The following PIGL variants were observed in gnomAD, a reference collection of about 807,000 sequenced individuals.
PIGL encodes the protein N-acetylglucosaminyl-phosphatidylinositol de-N-acetylase.
PIGL carries 22 observed loss-of-function variants against 31.1 expected under a neutral mutation model. That is an observed-to-expected ratio of 0.71 (90% CI 0.51 to 1.01). PIGL has a LOEUF of 1.01. PIGL is among the 50% of genes least tolerant of loss of function. The pLI is 0.00. For synonymous variants in PIGL, 131 were observed against 117.4 expected (o/e 1.12, Z -0.75); for missense variants, 302 against 315.9 (o/e 0.96, Z 0.33).
intron 2 of PIGL, among the ~76,000 whole-genome samples, chr17:16,261,441 A>C (rs1435601374): frequency 6.6e-6 from 1 of 152,222 alleles, no homozygotes; most frequent in African/African-American, 2.4e-5. Context: ...AAAATTAAAA[A>C]CTTTTATGCA....
At chr17:16,230,822 G>C (rs184922943) in intron 1 of PIGL, among the ~76,000 whole-genome samples, 1 of 151,592 alleles carries the variant, frequency 6.6e-6, no homozygotes. Context: ...ATAAAGTCAC[G>C]TTGTAAAGAC....
intron 2 of PIGL, among the ~76,000 whole-genome samples, chr17:16,254,767 G>A (rs1386434393): frequency 6.6e-6 from 1 of 151,884 alleles, no homozygotes; most frequent in Non-Finnish European, 1.5e-5. Context: ...ACCACGTCCG[G>A]CTAATTTTTT....
chr17:16,295,140 C>G (rs900942558), intron 2 of PIGL, among the ~76,000 whole-genome samples: 15 of 152,070 alleles, frequency 9.9e-5, no homozygotes, highest in African/African-American at 2.4e-4. Context: ...TAAATATATG[C>G]AGCCTGTAAT....
intron 2 of PIGL, 23 bp downstream of exon 2, chr17:16,234,093 A>G (rs999888016): frequency 1.2e-5 from 16 of 1,341,746 alleles, no homozygotes; most frequent in Non-Finnish European, 1.7e-5. Flanking sequence ...TTAACAATGT[A>G]GAAATTTATT....
At chr17:16,321,303 C>T (rs1000233870) in intron 6 of PIGL, among the ~76,000 whole-genome samples, 3 of 145,384 alleles carry the variant, frequency 2.1e-5, no homozygotes, top group Non-Finnish European at 4.5e-5. Flanking sequence ...TGCAACGGTG[C>T]GATCTCAGAT....
At chr17:16,306,241 G>A (rs28516015) in intron 3 of PIGL, among the ~76,000 whole-genome samples, 63,129 of 151,668 alleles carry the variant, frequency 0.42, 13,949 homozygotes, top group East Asian at 0.76. Context: ...GAGCCACCGC[G>A]CCCAGCCTCG....
At position 16,317,758 on chromosome 17, in the gene PIGL, G is replaced by C. The variant is rs2093084272; in HGVS notation, c.527-17G>C. The stretch of plus-strand genomic sequence containing the variant: ...GCCTCAAGGCTTATCACTTCACCCT[G>C]TCTCCTCTCCATCCAGGGTGCTCTG... On this transcript the variant is annotated splice_polypyrimidine_tract_variant and intron_variant, in intron 5 of 6. Transcript: ENST00000225609. 2 of 1,613,458 alleles carry C rather than the reference G, an allele frequency of 1.2e-6. No individual in the cohort carries two copies. The highest frequency in any genetic ancestry group is 3.3e-5 in the Admixed American group (2 of 60,020).
At chr17:16,228,880 G>A (rs1253407096) in intron 1 of PIGL, among the ~76,000 whole-genome samples, 3 of 152,080 alleles carry the variant, frequency 2.0e-5, no homozygotes, top group Admixed American at 6.6e-5. Context: ...TAGGTAACTC[G>A]AATAAGTGGA....
chr17:16,256,411 C>T (rs889218512), intron 2 of PIGL, among the ~76,000 whole-genome samples: 23 of 152,140 alleles, frequency 1.5e-4, no homozygotes, highest in African/African-American at 5.3e-4. Flanking sequence ...GATCTCGGCT[C>T]ACTGCAACCT....
At chr17:16,263,833 CTTTTTTTTTTTT>C (rs913026747) in intron 2 of PIGL, among the ~76,000 whole-genome samples, 1 of 76,980 alleles carries the variant, frequency 1.3e-5, no homozygotes, top group African/African-American at 5.8e-5. Flanking sequence ...TAAATGTTGA[CTTTTTTTTTTTT>C]TTTTTTTTTT....
chr17:16,287,364 G>C (rs1407315737), intron 2 of PIGL, among the ~76,000 whole-genome samples: 2 of 152,234 alleles, frequency 1.3e-5, no homozygotes, highest in African/African-American at 4.8e-5. Flanking sequence ...ACAACTTTCA[G>C]ACAGTCCTGT....
At chr17:16,296,999 C>G (rs953913620) in intron 2 of PIGL, among the ~76,000 whole-genome samples, 2 of 152,160 alleles carry the variant, frequency 1.3e-5, no homozygotes, top group African/African-American at 2.4e-5. Context: ...GGATTACAGG[C>G]GTGAGCCACC....
intron 1 of PIGL, among the ~76,000 whole-genome samples, chr17:16,233,445 A>G (rs372119430): frequency 1.8e-4 from 28 of 151,514 alleles, no homozygotes; most frequent in African/African-American, 6.3e-4. Flanking sequence ...TGGCTATGAA[A>G]CTCTTCAAAA....
At chr17:16,250,507 T>C (rs1455555060) in intron 2 of PIGL, among the ~76,000 whole-genome samples, 4 of 152,118 alleles carry the variant, frequency 2.6e-5, no homozygotes, top group African/African-American at 9.7e-5. Flanking sequence ...GGGATCACAG[T>C]TTAATCCATA....
chr17:16,279,787 A>G (rs1228760725), intron 2 of PIGL: 3 of 152,182 alleles, frequency 2.0e-5, no homozygotes, highest in East Asian at 1.9e-4. Flanking sequence ...ACTAGTATCT[A>G]TTTCCAAGGA....
chr17:16,217,521 C>G lies in PIGL; in HGVS notation c.235+60C>G, dbSNP rs779589149. ...GCTTTGAAAGGGATTTAAGTGCTAA[C>G]CGATCTCAGTCGCCTTCTTCTCGAA... On this transcript the variant is annotated intron_variant, in intron 1 of 6. Coordinates refer to ENST00000225609, the MANE Select transcript of PIGL (RefSeq NM_004278.4). The G allele has an allele frequency of 9.8e-6, 13 of 1,332,306 alleles. No individual in the cohort carries two copies. The Admixed American group carries it at 2.2e-4, about 22-fold the overall frequency. 82.5% of individuals were successfully genotyped at this position (1,332,306 alleles called of 1,614,324 possible).
chr17:16,315,275 T>G lies in PIGL; in HGVS notation c.495-1406T>G, dbSNP rs531077128. Among the ~76,000 whole-genome samples, 11 of 152,262 alleles carry G rather than the reference T, an allele frequency of 7.2e-5. No individual in the cohort carries two copies. In the South Asian group the frequency reaches 2.3e-3, roughly 32 times the overall value. ...GACATGCCACCAATCTGCCACAACC[T>G]TTTTCCCCACAGTCATCTCTTGCCT... is the stretch of plus-strand genomic sequence containing the variant. On this transcript the variant is annotated intron_variant, in intron 4 of 6. Coordinates refer to ENST00000225609, the MANE Select transcript of PIGL (RefSeq NM_004278.4).
chr17:16,223,829 G>A (rs962757620), intron 1 of PIGL, among the ~76,000 whole-genome samples: 1 of 152,108 alleles, frequency 6.6e-6, no homozygotes, highest in African/African-American at 2.4e-5. Flanking sequence ...TCTCTAGACT[G>A]CACTGCCAGC....
At chr17:16,304,446 A>G (rs2093018319) in intron 3 of PIGL, among the ~76,000 whole-genome samples, 1 of 152,204 alleles carries the variant, frequency 6.6e-6, no homozygotes, top group Admixed American at 6.6e-5. Flanking sequence ...GGAATGGCAG[A>G]CAGGACAGAG....
Sources: gnomAD v4.1 joint callset for allele counts (sites outside exome capture counted in the v4.1 genomes callset) on GRCh38, gnomAD v4.1.1 for gene constraint, MANE v1.5 for transcripts, NCBI Gene and HGNC (gene_info 2026-07-23, HGNC 2026-07-21) for gene names.